The following MSX2 variants were observed in gnomAD, a reference collection of about 807,000 sequenced individuals.
The protein encoded by MSX2 is homeobox protein MSX-2.
Under a neutral mutation model 18.4 loss-of-function variants are expected in MSX2, and 10 were observed. That is an observed-to-expected ratio of 0.54 (90% CI 0.34 to 0.92). The LOEUF (loss-of-function observed/expected upper bound fraction) is 0.92, where lower values mean the gene tolerates loss of function less well. Among genes scored for constraint, MSX2 ranks in the 40% least tolerant of loss-of-function variants. The pLI is 0.02. For synonymous variants in MSX2, 170 were observed against 165.6 expected (o/e 1.03, Z -0.20); for missense variants, 339 against 364.0 (o/e 0.93, Z 0.56).
intron 1 of MSX2, among the ~76,000 whole-genome samples, chr5:174,726,043 C>T (rs1387554308): frequency 6.6e-6 from 1 of 152,206 alleles, no homozygotes; most frequent in Admixed American, 6.5e-5. Context: ...TAGAGATCCG[C>T]ACCTGCACCC....
In MSX2 at chr5:174,729,723, C is replaced by T; in HGVS notation, c.*140C>T. 2 of 842,890 alleles carry T rather than the reference C, an allele frequency of 2.4e-6. No homozygotes were observed. Among genetic ancestry groups the T allele is most frequent in the Non-Finnish European group, 3.9e-6 (2 of 515,758 alleles). The allele number at this position is 842,890 out of a possible 1,614,324, so 52.2% of individuals were successfully genotyped here. ...CCCTAAGCGGCTAGGCTGACAGGGC[C>T]ACACGACATAGCTGAAATTTGTTCT... is the stretch of plus-strand genomic sequence containing the variant. On this transcript the variant is annotated 3_prime_UTR_variant, in exon 2 of 2. Coordinates refer to ENST00000239243, the MANE Select transcript of MSX2 (RefSeq NM_002449.5).
chr5:174,727,729 C>CT (rs1760835252), intron 1 of MSX2, among the ~76,000 whole-genome samples: 1 of 152,196 alleles, frequency 6.6e-6, no homozygotes, highest in Admixed American at 6.5e-5. Context: ...TACAAAGCCT[C>CT]TTATCTCTTT....
chr5:174,727,641 A>G (rs1760833202), intron 1 of MSX2, among the ~76,000 whole-genome samples: 1 of 152,220 alleles, frequency 6.6e-6, no homozygotes, highest in Admixed American at 6.5e-5. Context: ...TAACTTAGGG[A>G]TTAGCAAATG....
chr5:174,725,617 G>A (rs1006051689), intron 1 of MSX2, among the ~76,000 whole-genome samples: 1 of 151,700 alleles, frequency 6.6e-6, no homozygotes, highest in Non-Finnish European at 1.5e-5. Flanking sequence ...TGGCACCAGG[G>A]ATGGTGGCAT....
At chr5:174,725,145 A>G (rs1581517098) in intron 1 of MSX2, 107 bp downstream of exon 1, 3 of 1,479,096 alleles carry the variant, frequency 2.0e-6, no homozygotes, top group Non-Finnish European at 2.7e-6. Flanking sequence ...CGTGCGCTAC[A>G]CTCCCGGGAA....
At chr5:174,725,938 A>G (rs1376549048) in intron 1 of MSX2, among the ~76,000 whole-genome samples, 1 of 152,176 alleles carries the variant, frequency 6.6e-6, no homozygotes, top group African/African-American at 2.4e-5. Flanking sequence ...GTTACCAACA[A>G]CCACTGATTG....
At position 174,724,725 on chromosome 5, in the gene MSX2, C is replaced by T; in HGVS notation, c.66C>T (p.Ala22=). Residue 22 remains alanine, a synonymous_variant, in exon 1 of 2, where the codon GCC becomes GCT. Transcript: ENST00000239243. ...ACGAGGAGGGCCCAGCAGTGGTGGC[C>T]GGACCAGGCCCGGGGCCTGGGGGCG... The part of the protein sequence containing the change: ...SPDEEGPAVV[A]GPGPGPGGAE... The T allele has an allele frequency of 6.3e-7, 1 of 1,590,574 alleles. No homozygotes were observed. The highest frequency in any genetic ancestry group is 8.6e-7 in the Non-Finnish European group (1 of 1,169,330).
In MSX2 at chr5:174,725,009, A is replaced by C; in HGVS notation, c.350A>C (p.Gln117Pro). 6.2e-7 allele frequency: 1 copy of C among 1,610,608 alleles called. No homozygotes were observed. Among genetic ancestry groups the C allele is most frequent in the Non-Finnish European group, 8.5e-7 (1 of 1,179,472 alleles). ...ENSEDGAAWM[Q>P]EPGRYSPPPR... is the part of the protein sequence containing the mutation. The stretch of plus-strand genomic sequence containing the variant: ...TCAGAAGATGGAGCGGCGTGGATGC[A>C]GGAACCCGGCCGATATTCGCCGCCG... Residue 117 changes from glutamine (Q) to proline (P), a missense_variant, in exon 1 of 2, where the codon CAG becomes CCG. Around this residue, in one of 2 missense-constraint regions of MSX2, gnomAD observed 211 missense variants for 185.4 expected, o/e 1.14. Transcript: ENST00000239243.
rs2113499440 is a variant in MSX2, at chr5:174,729,665, A to C, written c.*82A>C. 7.0e-7 allele frequency: 1 copy of C among 1,433,188 alleles called. No individual in the cohort carries two copies. The highest frequency in any genetic ancestry group is 1.1e-5 in the South Asian group (1 of 87,074). The allele number at this position is 1,433,188 out of a possible 1,614,324, so 88.8% of individuals were successfully genotyped here. ...CCTCTCCACGAAGGCAGTACCAGCC[A>C]GTACTCCTGCTCTGCTAACCCTGCG... On this transcript the variant is annotated 3_prime_UTR_variant, in exon 2 of 2. Transcript: ENST00000239243.
rs1760907529 is a variant in MSX2, at chr5:174,730,564, T to A, written c.*981T>A. Reference sequence around the variant, plus strand: ...CTATATGCTAAATATTCTTGAACAATTAGTAGATCCAGAAAGAAAAAAAAA... The same window carrying A: ...CTATATGCTAAATATTCTTGAACAAATAGTAGATCCAGAAAGAAAAAAAAA... On this transcript the variant is annotated 3_prime_UTR_variant, in exon 2 of 2. Transcript: ENST00000239243. The A allele has an allele frequency of 1.1e-5, 1 of 94,298 alleles. No individual in the cohort carries two copies. The highest frequency in any genetic ancestry group is 1.4e-4 in the Admixed American group (1 of 7,340). The allele number at this position is 94,298 out of a possible 1,614,324, so 5.8% of individuals were successfully genotyped here. A position where few individuals can be genotyped will look rare whatever the true frequency, so the allele number is the denominator to read the frequency against.
chr5:174,725,063 A>AGGAGGTAGCGCGGGGTACT (rs766426359), intron 1 of MSX2, 25 bp downstream of exon 1: 2 of 1,607,826 alleles, frequency 1.2e-6, no homozygotes, highest in Non-Finnish European at 1.7e-6. Context: ...GGGCAGGAGT[A>AGGAGGTAGCGCGGGGTACT]GGAGGTAGCG....
chr5:174,725,147 T>G lies in MSX2; in HGVS notation c.379+109T>G, dbSNP rs893569899. ...CGAGACCCTTCTGCGTGCGCTACACTCCCGGGAAAGCAAGCCCAGGGCCTC... is the reference window on the plus strand; with the variant it reads ...CGAGACCCTTCTGCGTGCGCTACACGCCCGGGAAAGCAAGCCCAGGGCCTC... On this transcript the variant is annotated intron_variant, in intron 1 of 1. Coordinates refer to ENST00000239243, the MANE Select transcript of MSX2 (RefSeq NM_002449.5). 5 of 1,478,692 alleles carry G rather than the reference T, an allele frequency of 3.4e-6. No individual in the cohort carries two copies. The African/African-American group carries it at 7.0e-5, about 21-fold the overall frequency. The allele number at this position is 1,478,692 out of a possible 1,614,324, so 91.6% of individuals were successfully genotyped here.
At chr5:174,725,068 G>A in intron 1 of MSX2, 30 bp downstream of exon 1, 2 of 1,606,310 alleles carry the variant, frequency 1.2e-6, no homozygotes, top group East Asian at 2.2e-5. Flanking sequence ...GGAGTAGGAG[G>A]TAGCGCGGGG....
chr5:174,725,407 C>T (rs1760769562), intron 1 of MSX2, among the ~76,000 whole-genome samples: 1 of 152,194 alleles, frequency 6.6e-6, no homozygotes, highest in African/African-American at 2.4e-5. Flanking sequence ...CCCGGAGTCT[C>T]TGCCTGGGGA....
In MSX2 at chr5:174,729,698, C is replaced by A; in HGVS notation, c.*115C>A. 1.8e-6 allele frequency: 2 copies of A among 1,126,252 alleles called. No homozygotes were observed. The highest frequency in any genetic ancestry group is 1.3e-5 in the South Asian group (1 of 79,104). 69.8% of individuals were successfully genotyped at this position (1,126,252 alleles called of 1,614,324 possible). A position where few individuals can be genotyped will look rare whatever the true frequency, so the allele number is the denominator to read the frequency against. ...TGCTCTGCTAACCCTGCGTGCACCA[C>A]CCTAAGCGGCTAGGCTGACAGGGCC... is the stretch of plus-strand genomic sequence containing the variant. On this transcript the variant is annotated 3_prime_UTR_variant, in exon 2 of 2. Transcript: ENST00000239243.
Position 174,724,603 on chromosome 5 carries a change from C to G in MSX2, c.-57C>G. 6.5e-7 allele frequency: 1 copy of G among 1,548,780 alleles called. No homozygotes were observed. Among genetic ancestry groups the G allele is most frequent in the Non-Finnish European group, 8.7e-7 (1 of 1,146,242 alleles). ...CTCCGCAGCAAAAAAGTTTGAGTCG[C>G]CGCTGCCGGGTTGCCAGCGGAGTCG... On this transcript the variant is annotated 5_prime_UTR_variant, in exon 1 of 2. Coordinates refer to ENST00000239243, the MANE Select transcript of MSX2 (RefSeq NM_002449.5).
chr5:174,725,493 G>C (rs1222972059), intron 1 of MSX2, among the ~76,000 whole-genome samples: 1 of 152,166 alleles, frequency 6.6e-6, no homozygotes, highest in Non-Finnish European at 1.5e-5. Flanking sequence ...TCAACCCTGA[G>C]AGTTGTGCCC....
rs764005351 is a variant in MSX2, at chr5:174,729,293, C to T, written c.514C>T (p.Arg172Cys). The T allele has an allele frequency of 6.8e-6, 11 of 1,614,176 alleles. No homozygotes were observed. Among genetic ancestry groups the T allele is most frequent in the Non-Finnish European group, 7.6e-6 (9 of 1,180,046 alleles). The change falls in exon 2 of 2, where the codon CGT (arginine) becomes TGT (cysteine). Residue 172 changes from arginine to cysteine, a missense_variant. Coordinates refer to ENST00000239243, the MANE Select transcript of MSX2 (RefSeq NM_002449.5). ...GAAACAGTACCTCTCCATTGCAGAG[C>T]GTGCAGAGTTCTCCAGCTCTCTGAA... is the stretch of plus-strand genomic sequence containing the variant. ...RQKQYLSIAE[R>C]AEFSSSLNLT...
intron 1 of MSX2, among the ~76,000 whole-genome samples, chr5:174,727,481 C>T (rs1436003844): frequency 1.3e-5 from 2 of 152,124 alleles, no homozygotes; most frequent in Non-Finnish European, 2.9e-5. Context: ...AGTATATACA[C>T]GCTAGGAACT....
Sources: gnomAD v4.1 joint callset for allele counts (sites outside exome capture counted in the v4.1 genomes callset) on GRCh38, gnomAD v4.1.1 for gene constraint, gnomAD v4.1.1 regional missense constraint, MANE v1.5 for transcripts, NCBI Gene and HGNC (gene_info 2026-07-23, HGNC 2026-07-21) for gene names.